Variants in CASZ1 observed in about 807,000 individuals in gnomAD.
CASZ1 encodes zinc finger protein castor homolog 1.
CASZ1 carries 28 observed loss-of-function variants against 135.2 expected under a neutral mutation model. The ratio of observed to expected loss-of-function variants is 0.21; its 90% CI spans 0.15 to 0.28. CASZ1 has a LOEUF of 0.28. Ranked by LOEUF, CASZ1 falls within the 10% of genes least tolerant of loss-of-function variation. The probability of loss-of-function intolerance (pLI) is 1.00; values close to 1 mark genes in which losing one functional copy is unlikely to be tolerated. For missense variants in CASZ1, 2,161 were observed against 2,453.3 expected, an observed-to-expected ratio of 0.88 and a Z score of 2.52; for synonymous variants, 1,068 against 1,073.4, an observed-to-expected ratio of 0.99 and a Z score of 0.10.
In CASZ1 at chr1:10,639,237, C is replaced by T. The variant is rs1557451012; in HGVS notation, c.4985G>A (p.Gly1662Asp). The T allele has an allele frequency of 1.1e-6, 1 of 924,116 alleles. No homozygotes were observed. The highest frequency in any genetic ancestry group is 1.3e-6 in the Non-Finnish European group (1 of 774,960). The allele number at this position is 924,116 out of a possible 1,614,324, so 57.2% of individuals were successfully genotyped here. ...AGCTGCGGCGGCGGCGGCGGCGGCG[C>T]CCTCGCGCGGCCCGGGGGCGGCGGC... ...PDAAAPGPRE[G>D]AAAAAAAAGE... is the part of the protein sequence containing the mutation. Residue 1662 changes from glycine (G) to aspartate (D), a missense_variant, in exon 21 of 21, where the codon GGC becomes GAC. Gly to Asp is a moderately conservative substitution (Grantham distance 94). Transcript: ENST00000377022. This position sits in a 1 kb window ranked among gnomAD's most constrained non-coding sequence, Gnocchi z 4.0.
chr1:10,649,231 T>G (rs1642474635), intron 14 of CASZ1, 39 bp from the exon 15 acceptor site: 1 of 1,609,584 alleles, frequency 6.2e-7, no homozygotes, highest in African/African-American at 1.3e-5. Context: ...AGCCTGGGGC[T>G]CCAGGGCGGG....
rs1486524659 is a variant in CASZ1 at position 10,679,054 on chromosome 1, G to A, written c.17-13483C>T. On this transcript the variant is annotated intron_variant, in intron 4 of 20. Coordinates refer to ENST00000377022, the MANE Select transcript of CASZ1 (RefSeq NM_001079843.3). The surrounding 1 kb of genome is among the most constrained non-coding windows in gnomAD (Gnocchi z 4.7). ...CTCTGGCTATCTCTGGCCTATGCGT[G>A]TCCCCTCACTCTCCTCCATCACTGC... Among the ~76,000 whole-genome samples the A allele has an allele frequency of 6.6e-6, 1 of 152,054 alleles. No homozygotes were observed. Among genetic ancestry groups the A allele is most frequent in the East Asian group, 1.9e-4 (1 of 5,152 alleles).
At chr1:10,744,779 G>C (rs1292655034) in intron 2 of CASZ1, among the ~76,000 whole-genome samples, 1 of 152,140 alleles carries the variant, frequency 6.6e-6, no homozygotes, top group Non-Finnish European at 1.5e-5. Context: ...TGTATGTCTG[G>C]GTAGCCAGCG....
Position 10,653,692 on chromosome 1 carries a change from C to T in CASZ1, c.2365G>A (p.Ala789Thr). Residue 789 changes from alanine to threonine, a missense_variant, in exon 11 of 21, where the codon GCC becomes ACC. Physicochemically the swap from Ala to Thr is moderately conservative, Grantham distance 58. Transcript: ENST00000377022. ...GTGGGCAGGCCCGAGTTGGAGAGGG[C>T]CAGGGCCAGGGGGATTGAGCCAGGC... ...GLPGSIPLAL[A>T]LSNSGLPTPT... 6.3e-7 allele frequency: 1 copy of T among 1,575,642 alleles called. No homozygotes were observed. Among genetic ancestry groups the T allele is most frequent in the Non-Finnish European group, 8.6e-7 (1 of 1,161,054 alleles).
At chr1:10,681,423 C>T (rs749640549) in intron 4 of CASZ1, among the ~76,000 whole-genome samples, 34 of 152,258 alleles carry the variant, frequency 2.2e-4, no homozygotes, top group Non-Finnish European at 3.7e-4. Context: ...GCCCTCAGCA[C>T]GCTGCCCCCT....
rs1424132983 is a variant in CASZ1, at chr1:10,637,581, C to G, written c.*1361G>C. The G allele has an allele frequency of 1.3e-5, 2 of 152,412 alleles. No individual in the cohort carries two copies. 9.4% of individuals were successfully genotyped at this position (152,412 alleles called of 1,614,324 possible). A position where few individuals can be genotyped will look rare whatever the true frequency, so the allele number is the denominator to read the frequency against. ...TCCCGGTGGCCCAATCTGACACCAGCTGGTGGCCTGGAGTAGGGAAGGTGG... is the reference window on the plus strand; with the variant it reads ...TCCCGGTGGCCCAATCTGACACCAGGTGGTGGCCTGGAGTAGGGAAGGTGG... On this transcript the variant is annotated 3_prime_UTR_variant, in exon 21 of 21. Transcript: ENST00000377022.
intron 1 of CASZ1, among the ~76,000 whole-genome samples, chr1:10,790,451 C>T (rs1034382650): frequency 1.3e-5 from 2 of 152,190 alleles, no homozygotes; most frequent in Non-Finnish European, 2.9e-5. Flanking sequence ...GTTTGCCTCT[C>T]TTCGGTTCCC....
intron 3 of CASZ1, among the ~76,000 whole-genome samples, chr1:10,698,795 G>A (rs946456569): frequency 6.6e-6 from 1 of 152,218 alleles, no homozygotes. Context: ...GGGCTCTCCT[G>A]GCTCCTGAGA....
chr1:10,665,598 G>A, intron 4 of CASZ1, 27 bp from the exon 5 acceptor site: 1 of 1,516,506 alleles, frequency 6.6e-7, no homozygotes, highest in Non-Finnish European at 8.8e-7. Flanking sequence ...GAGCACGGAG[G>A]TCAGAGGCGT....
At position 10,666,494 on chromosome 1, in the gene CASZ1, C is replaced by T. The variant is rs1443935184; in HGVS notation, c.17-923G>A. ...GCCTCTGCAGCCCCGGAAGGCCTGG[C>T]CAGCCCACTTCCCAGCCCCCAGGAG... On this transcript the variant is annotated intron_variant, in intron 4 of 20. Coordinates refer to ENST00000377022, the MANE Select transcript of CASZ1 (RefSeq NM_001079843.3). The surrounding 1 kb of genome is among the most constrained non-coding windows in gnomAD (Gnocchi z 5.2). 6.6e-6 allele frequency among the ~76,000 whole-genome samples: 1 copy of T among 152,200 alleles called. No homozygotes were observed. Among genetic ancestry groups the T allele is most frequent in the Non-Finnish European group, 1.5e-5 (1 of 68,030 alleles).
intron 1 of CASZ1, among the ~76,000 whole-genome samples, chr1:10,783,246 A>AGT (rs70997266): frequency 0.029 from 4,277 of 148,110 alleles, 144 homozygotes; most frequent in African/African-American, 0.079. Flanking sequence ...CCAGTGGAGA[A>AGT]GTGTGTGTGT....
At position 10,706,310 on chromosome 1, in the gene CASZ1, C is replaced by T. The variant is rs1036117245; in HGVS notation, c.-76-766G>A. 2.6e-5 allele frequency among the ~76,000 whole-genome samples: 4 copies of T among 152,186 alleles called. No homozygotes were observed. The highest frequency in any genetic ancestry group is 6.5e-5 in the Admixed American group (1 of 15,290). ...GGTTCAAAGGGGCAGCCTGTGTGTA[C>T]GTGGAGAGAAAACACAGGGAGTCCC... is the stretch of plus-strand genomic sequence containing the variant. On this transcript the variant is annotated intron_variant, in intron 2 of 20. Transcript: ENST00000377022. The surrounding 1 kb of genome is among the most constrained non-coding windows in gnomAD (Gnocchi z 4.3).
intron 2 of CASZ1, among the ~76,000 whole-genome samples, chr1:10,733,850 G>T (rs1050062823): frequency 1.3e-5 from 2 of 152,190 alleles, no homozygotes; most frequent in African/African-American, 4.8e-5. Flanking sequence ...AAAATCAGAG[G>T]TGATATTGGC....
chr1:10,702,986 G>C (rs961859309), intron 3 of CASZ1, among the ~76,000 whole-genome samples: 1 of 151,652 alleles, frequency 6.6e-6, no homozygotes, highest in Non-Finnish European at 1.5e-5. Flanking sequence ...GAGAGAGAGA[G>C]CGCCATGGAG....
At chr1:10,744,912 C>A (rs1044152486) in intron 2 of CASZ1, among the ~76,000 whole-genome samples, 3 of 152,206 alleles carry the variant, frequency 2.0e-5, no homozygotes, top group African/African-American at 7.2e-5. Context: ...CTGCCATGTG[C>A]TCCGTCAATC....
intron 2 of CASZ1, among the ~76,000 whole-genome samples, chr1:10,752,051 C>G (rs1046018690): frequency 1.3e-5 from 2 of 152,154 alleles, no homozygotes; most frequent in Non-Finnish European, 2.9e-5. Context: ...GCAGTGACAG[C>G]CCAGGCAGGC....
rs949359038 is a variant in CASZ1, at chr1:10,697,210, G to A, written c.-23-3298C>T. ...CGAGGTTGTGGGGTATGAGTCAGAG[G>A]CTGTGTCATGGAGGGGCCCCCAGAT... On this transcript the variant is annotated intron_variant, in intron 3 of 20. Coordinates refer to ENST00000377022, the MANE Select transcript of CASZ1 (RefSeq NM_001079843.3). This position sits in a 1 kb window ranked among gnomAD's most constrained non-coding sequence, Gnocchi z 4.7. 1.3e-5 allele frequency among the ~76,000 whole-genome samples: 2 copies of A among 152,088 alleles called. No homozygotes were observed. Among genetic ancestry groups the A allele is most frequent in the African/African-American group, 4.8e-5 (2 of 41,410 alleles).
intron 1 of CASZ1, among the ~76,000 whole-genome samples, chr1:10,792,625 G>A (rs1640982530): frequency 6.6e-6 from 1 of 151,600 alleles, no homozygotes; most frequent in Admixed American, 6.6e-5. Flanking sequence ...CAATTTTTCA[G>A]TGTCACAAAA....
At chr1:10,780,336 G>C (rs10157896) in intron 1 of CASZ1, among the ~76,000 whole-genome samples, 1,529 of 152,274 alleles carry the variant, frequency 0.01, 31 homozygotes, top group African/African-American at 0.035. Flanking sequence ...CTACCCAGGA[G>C]AGAACACTGG....
Sources: gnomAD v4.1 joint callset for allele counts (sites outside exome capture counted in the v4.1 genomes callset) on GRCh38, gnomAD v4.1.1 for gene constraint, Gnocchi (gnomAD v3.1) non-coding constraint, MANE v1.5 for transcripts, NCBI Gene and HGNC (gene_info 2026-07-23, HGNC 2026-07-21) for gene names.